The following PTPDC1 variants were observed in gnomAD, a reference collection of about 807,000 sequenced individuals.
PTPDC1 encodes protein tyrosine phosphatase domain containing 1.
PTPDC1 carries 53 observed loss-of-function variants against 75.3 expected under a neutral mutation model. That is an observed-to-expected ratio of 0.70 (90% confidence interval 0.56 to 0.88). The LOEUF (loss-of-function observed/expected upper bound fraction) is 0.88, where lower values mean the gene tolerates loss of function less well. Ranked by LOEUF, PTPDC1 falls within the 40% of genes least tolerant of loss-of-function variation. PTPDC1 has a pLI of 0.00. For missense variants in PTPDC1, 925 were observed against 998.6 expected (o/e 0.93, Z 0.99); for synonymous variants, 349 against 366.2 (o/e 0.95, Z 0.54).
chr9:94,074,978 C>T (rs905796824), intron 2 of PTPDC1, among the ~76,000 whole-genome samples: 1 of 152,156 alleles, frequency 6.6e-6, no homozygotes, highest in Admixed American at 6.5e-5. Flanking sequence ...GTCCCACTTA[C>T]GTAGAGGCAG....
chr9:94,091,525 G>T (rs1396416497), intron 4 of PTPDC1, among the ~76,000 whole-genome samples: 2 of 152,118 alleles, frequency 1.3e-5, no homozygotes, highest in Non-Finnish European at 2.9e-5. Context: ...GTTCATCAAG[G>T]ATATTGGTCT....
intron 1 of PTPDC1, among the ~76,000 whole-genome samples, chr9:94,045,938 G>C (rs529429164): frequency 6.6e-6 from 1 of 152,160 alleles, no homozygotes; most frequent in Non-Finnish European, 1.5e-5. Flanking sequence ...GTCCTGAATG[G>C]TATTGCCTAG....
Position 94,097,578 on chromosome 9 carries a change from C to A in PTPDC1, c.1012C>A (p.His338Asn). Residue 338 changes from histidine (H) to asparagine (N), a missense_variant, in exon 6 of 9, where the codon CAC becomes AAC. Transcript: ENST00000620992. ...TGGTTATGAGGCACGACTTCTGAAA[C>A]ACGTGCCAAAAATTATCCACCTAGT... ...LHGYEARLLK[H>N]VPKIIHLVCK... The A allele has an allele frequency of 6.2e-7, 1 of 1,613,990 alleles. No individual in the cohort carries two copies. The highest frequency in any genetic ancestry group is 1.1e-5 in the South Asian group (1 of 91,088).
chr9:94,072,897 T>G (rs1475736824), intron 2 of PTPDC1, among the ~76,000 whole-genome samples: 1 of 152,220 alleles, frequency 6.6e-6, no homozygotes, highest in Non-Finnish European at 1.5e-5. Flanking sequence ...ATAATTCTTT[T>G]TATGCATTGC....
At chr9:94,047,953 G>A (rs1316776157) in intron 1 of PTPDC1, among the ~76,000 whole-genome samples, 2 of 152,184 alleles carry the variant, frequency 1.3e-5, no homozygotes, top group Non-Finnish European at 2.9e-5. Flanking sequence ...AAAAGTCCAG[G>A]AGCAGATGGA....
rs572603516 is a variant in PTPDC1 at position 94,084,601 on chromosome 9, G to A, written c.71G>A (p.Arg24Gln). 5.0e-6 allele frequency: 8 copies of A among 1,613,636 alleles called. No individual in the cohort carries two copies. Among genetic ancestry groups the A allele is most frequent in the South Asian group, 2.2e-5 (2 of 91,022 alleles). ...CTCAGCTCCTTTCTCCAGGGCCGCC[G>A]GCACTCCACCTCAGACCCAGTACTG... is the stretch of plus-strand genomic sequence containing the variant. ...RFLSSFLQGR[R>Q]HSTSDPVLRL... Residue 24 changes from arginine to glutamine, a missense_variant, in exon 1 of 9, where the codon CGG (arginine) becomes CAG (glutamine). Coordinates refer to ENST00000620992, the MANE Select transcript of PTPDC1 (RefSeq NM_001253829.2).
At position 94,049,726 on chromosome 9, in the gene PTPDC1, C is replaced by A. The variant is rs532159255; in HGVS notation, c.-6-15008C>A. 9.9e-5 allele frequency among the ~76,000 whole-genome samples: 15 copies of A among 152,190 alleles called. No individual in the cohort carries two copies. In the East Asian group the frequency reaches 2.5e-3, roughly 25 times the overall value. On this transcript the variant is annotated intron_variant, in intron 1 of 9. Transcript: ENST00000375360. ...CTCTTCTCAAGGAGTATCTTTGTGG[C>A]GTTCTCTGTATTTCCTGAATTTGAA...
rs143573993 is a variant in PTPDC1 at position 94,084,567 on chromosome 9, G to A, written c.37G>A (p.Val13Met). ...GGATGCAACCAGGCGGCCCTCAGCC[G>A]TGCGCTTCCTCAGCTCCTTTCTCCA... Reference protein sequence around the residue: ...VQDATRRPSAVRFLSSFLQGR... With the variant: ...VQDATRRPSAMRFLSSFLQGR... The change falls in exon 1 of 9, where the codon GTG becomes ATG. Residue 13 changes from valine to methionine, a missense_variant. Transcript: ENST00000620992. 5.5e-5 allele frequency: 89 copies of A among 1,613,062 alleles called. No individual in the cohort carries two copies. Among genetic ancestry groups the A allele is most frequent in the Non-Finnish European group, 7.1e-5 (84 of 1,180,006 alleles).
chr9:94,038,106 A>G, intron 1 of PTPDC1: 1 of 553,950 alleles, frequency 1.8e-6, no homozygotes, highest in Non-Finnish European at 3.4e-6. Context: ...AAGGGAGGCA[A>G]GCATAAGACT....
chr9:94,061,608 T>C (rs185611345), intron 1 of PTPDC1, among the ~76,000 whole-genome samples: 5 of 152,362 alleles, frequency 3.3e-5, no homozygotes, highest in Non-Finnish European at 1.5e-5. Context: ...GCTTCAGCTC[T>C]TGCATTCTGT....
chr9:94,047,999 G>T (rs1288877146), intron 1 of PTPDC1, among the ~76,000 whole-genome samples: 1 of 152,150 alleles, frequency 6.6e-6, no homozygotes. Flanking sequence ...ACAAAGAGGA[G>T]CTGGTACCAT....
chr9:94,086,937 A>T (rs1827094081), intron 2 of PTPDC1, among the ~76,000 whole-genome samples: 1 of 152,196 alleles, frequency 6.6e-6, no homozygotes, highest in Non-Finnish European at 1.5e-5. Context: ...TTTATTCATA[A>T]CTGCATGTCA....
At chr9:94,048,857 T>C (rs1825697585) in intron 1 of PTPDC1, among the ~76,000 whole-genome samples, 1 of 152,166 alleles carries the variant, frequency 6.6e-6, no homozygotes, top group African/African-American at 2.4e-5. Context: ...TTTGTAGTTC[T>C]CTAAGGACTT....
rs1272899646 is a variant in PTPDC1 at position 94,108,265 on chromosome 9, A to G, written c.*321A>G. The stretch of plus-strand genomic sequence containing the variant: ...TTCTTTTGACATTTTGGAAATAATC[A>G]TAACTTGTCTTTCCAAAATAACCAT... On this transcript the variant is annotated 3_prime_UTR_variant, in exon 9 of 9. Coordinates refer to ENST00000620992, the MANE Select transcript of PTPDC1 (RefSeq NM_001253829.2). 6.1e-6 allele frequency: 1 copy of G among 162,926 alleles called. No homozygotes were observed. The highest frequency in any genetic ancestry group is 1.3e-5 in the Non-Finnish European group (1 of 74,962). 10.1% of individuals were successfully genotyped at this position (162,926 alleles called of 1,614,324 possible).
intron 4 of PTPDC1, among the ~76,000 whole-genome samples, chr9:94,091,460 T>C (rs1827316295): frequency 6.6e-6 from 1 of 152,112 alleles, no homozygotes; most frequent in Admixed American, 6.5e-5. Flanking sequence ...ATAAGCTTTT[T>C]GATGTGCTGC....
At chr9:94,088,303 C>A in intron 4 of PTPDC1, 40 bp downstream of exon 4, 1 of 1,601,008 alleles carries the variant, frequency 6.2e-7, no homozygotes, top group East Asian at 2.2e-5. Flanking sequence ...TTATCAAGGG[C>A]AGCACTCAGA....
At chr9:94,081,189 C>T (rs900075569), upstream of PTPDC1, among the ~76,000 whole-genome samples, 2 of 152,038 alleles carry the variant, frequency 1.3e-5, no homozygotes, top group Non-Finnish European at 2.9e-5. Flanking sequence ...TGGGTTTCAC[C>T]ATGTTGGCCA....
intron 2 of PTPDC1, among the ~76,000 whole-genome samples, chr9:94,078,776 T>G (rs945612610): frequency 6.6e-6 from 1 of 152,214 alleles, no homozygotes; most frequent in African/African-American, 2.4e-5. Flanking sequence ...TTGAGTGAAT[T>G]TTTCATTGTT....
In PTPDC1 at chr9:94,066,679, T is replaced by C. The variant is rs552259966; in HGVS notation, c.82+1858T>C. ...TTCAAGAGATTCTCCTGTCTCAGCC[T>C]CCTGAGTAGCTGGGACCACAGGTGC... On this transcript the variant is annotated intron_variant, in intron 2 of 9. Coordinates refer to the PTPDC1 transcript ENST00000375360. 9.9e-5 allele frequency among the ~76,000 whole-genome samples: 15 copies of C among 152,232 alleles called. No individual in the cohort carries two copies. The South Asian group carries it at 3.1e-3, about 32-fold the overall frequency.
Sources: allele counts gnomAD v4.1 joint callset (sites outside exome capture counted in the v4.1 genomes callset), GRCh38; gene constraint gnomAD v4.1.1; transcripts MANE v1.5; gene names NCBI Gene and HGNC (gene_info 2026-07-23, HGNC 2026-07-21).